SLC17A1: variants seen among roughly 807,000 people sequenced by gnomAD.
The protein encoded by SLC17A1 is solute carrier family 17 member 1.
Under a neutral mutation model 53.5 loss-of-function variants are expected in SLC17A1, and 51 were observed. The ratio of observed to expected loss-of-function variants is 0.95; its 90% CI spans 0.76 to 1.20. SLC17A1 has a LOEUF of 1.20. Among genes scored for constraint, SLC17A1 ranks in the 50% most tolerant of loss-of-function variants. SLC17A1 has a pLI of 0.00. For synonymous variants in SLC17A1, 179 were observed against 198.8 expected (o/e 0.90, Z 0.84); for missense variants, 538 against 568.2 (o/e 0.95, Z 0.54).
At chr6:25,797,142 CA>C (rs941575030) in intron 12 of SLC17A1, among the ~76,000 whole-genome samples, 3 of 152,138 alleles carry the variant, frequency 2.0e-5, no homozygotes, top group Non-Finnish European at 4.4e-5. Flanking sequence ...CTGAAACAAA[CA>C]AAAAACAAAC....
the SLC17A1 span, chr6:25,732,517 G>A: frequency 2.3e-6 from 1 of 435,378 alleles, no homozygotes; most frequent in East Asian, 5.6e-5. Flanking sequence ...TTCCCCGTGG[G>A]CGGTGTCAAC....
At chr6:25,750,677 G>A in the SLC17A1 span, among the ~76,000 whole-genome samples, 1 of 150,398 alleles carries the variant, frequency 6.6e-6, no homozygotes, top group Non-Finnish European at 1.5e-5. Context: ...GGAAGGAGAA[G>A]CACTTGTATA....
chr6:25,825,997 T>C (rs1317278353), intron 3 of SLC17A1, among the ~76,000 whole-genome samples: 1 of 152,090 alleles, frequency 6.6e-6, no homozygotes, highest in African/African-American at 2.4e-5. Flanking sequence ...TTTTTATAGT[T>C]TCCATCTCTT....
At chr6:25,817,802 C>A (rs1764410008) in intron 6 of SLC17A1, among the ~76,000 whole-genome samples, 1 of 152,166 alleles carries the variant, frequency 6.6e-6, no homozygotes, top group Non-Finnish European at 1.5e-5. Flanking sequence ...ATATAAAGTC[C>A]TACAAGGTAT....
At chr6:25,758,097 C>T in the SLC17A1 span, among the ~76,000 whole-genome samples, 5 of 152,134 alleles carry the variant, frequency 3.3e-5, no homozygotes, top group Non-Finnish European at 7.4e-5. Context: ...GCTCTGCAGC[C>T]TCAGACCAAG....
chr6:25,768,395 G>A, the SLC17A1 span: 3 of 987,462 alleles, frequency 3.0e-6, no homozygotes, highest in Non-Finnish European at 3.6e-6. Context: ...TCAACCACAG[G>A]GATATCCCCA....
At chr6:25,760,829 C>T in the SLC17A1 span, among the ~76,000 whole-genome samples, 1 of 151,956 alleles carries the variant, frequency 6.6e-6, no homozygotes, top group Non-Finnish European at 1.5e-5. Context: ...TTTTTGGTAT[C>T]TTTTTATGTT....
At chr6:25,791,624 T>C (rs1457709460) in intron 12 of SLC17A1, among the ~76,000 whole-genome samples, 2 of 152,210 alleles carry the variant, frequency 1.3e-5, no homozygotes, top group Admixed American at 6.5e-5. Context: ...CAAAAGACTA[T>C]GAATTGTCTA....
chr6:25,726,634 G>A, the SLC17A1 span: 7 of 1,342,308 alleles, frequency 5.2e-6, no homozygotes, highest in Middle Eastern at 2.1e-4. Flanking sequence ...TTGGCTGATG[G>A]CCGTCTACCC....
At chr6:25,749,291 C>A in the SLC17A1 span, among the ~76,000 whole-genome samples, 2 of 152,228 alleles carry the variant, frequency 1.3e-5, no homozygotes, top group Non-Finnish European at 2.9e-5. Flanking sequence ...TCCTGCACAG[C>A]CCTAGATCCC....
chr6:25,751,988 C>A, the SLC17A1 span, among the ~76,000 whole-genome samples: 4 of 152,194 alleles, frequency 2.6e-5, no homozygotes, highest in Non-Finnish European at 5.9e-5. Context: ...TAGATACAAG[C>A]TAGGGCACAG....
At chr6:25,737,246 G>T in the SLC17A1 span, among the ~76,000 whole-genome samples, 2 of 151,920 alleles carry the variant, frequency 1.3e-5, no homozygotes, top group East Asian at 3.9e-4. Context: ...TTGGATTTTT[G>T]GATGTCTTTT....
intron 10 of SLC17A1, among the ~76,000 whole-genome samples, chr6:25,808,812 A>T (rs1194197181): frequency 6.6e-6 from 1 of 152,128 alleles, no homozygotes; most frequent in African/African-American, 2.4e-5. Flanking sequence ...GGAAATGTAA[A>T]TTAGTACAAC....
At chr6:25,824,464 G>T (rs973964926) in intron 3 of SLC17A1, among the ~76,000 whole-genome samples, 1 of 151,680 alleles carries the variant, frequency 6.6e-6, no homozygotes, top group Non-Finnish European at 1.5e-5. Context: ...ATTTTGAATT[G>T]ATCTAAAAGA....
rs912297145 is a variant in SLC17A1 at position 25,832,003 on chromosome 6, G to A, written c.-60C>T. The A allele has an allele frequency of 1.3e-5, 2 of 151,954 alleles. No individual in the cohort carries two copies. Among genetic ancestry groups the A allele is most frequent in the Non-Finnish European group, 2.9e-5 (2 of 67,986 alleles). The allele number at this position is 151,954 out of a possible 1,614,324, so 9.4% of individuals were successfully genotyped here. On this transcript the variant is annotated 5_prime_UTR_variant, in exon 1 of 13. Transcript: ENST00000244527. ...AGCCCCGTAGACTAACCTGATTCGG[G>A]ACAAAAAAGTGATTTCTTCTTCCGC...
At chr6:25,773,645 A>G in the SLC17A1 span, 1 of 1,613,722 alleles carries the variant, frequency 6.2e-7, no homozygotes, top group Non-Finnish European at 8.5e-7. Context: ...AACGTACATC[A>G]GCTCGGTACT....
the SLC17A1 span, chr6:25,777,327 G>T: frequency 5.1e-6 from 1 of 195,878 alleles, no homozygotes; most frequent in African/African-American, 2.3e-5. Context: ...AAGGACACAG[G>T]ACTGCAGGAG....
At chr6:25,741,793 C>T in the SLC17A1 span, among the ~76,000 whole-genome samples, 2 of 151,906 alleles carry the variant, frequency 1.3e-5, no homozygotes, top group African/African-American at 2.4e-5. Context: ...CCCAGCTAGT[C>T]GGGTGGCTGA....
chr6:25,727,352 C>T, the SLC17A1 span: 10 of 1,435,264 alleles, frequency 7.0e-6, no homozygotes, highest in Non-Finnish European at 2.8e-6. Flanking sequence ...CTTAAACATA[C>T]TGAAACAGCT....
Sources: gnomAD v4.1 joint callset for allele counts (sites outside exome capture counted in the v4.1 genomes callset) on GRCh38, gnomAD v4.1.1 for gene constraint, MANE v1.5 for transcripts, NCBI Gene and HGNC (gene_info 2026-07-23, HGNC 2026-07-21) for gene names.